The following ABCC6 variants were observed in gnomAD, a reference collection of about 807,000 sequenced individuals.
The protein encoded by ABCC6 is ATP-binding cassette sub-family C member 6.
A neutral mutation model predicts 169.5 loss-of-function variants in ABCC6; 126 were observed. That is an observed-to-expected ratio of 0.74 (90% CI 0.64 to 0.86). ABCC6 has a LOEUF of 0.86. ABCC6 is among the 40% of genes least tolerant of loss of function. The pLI, the probability that ABCC6 is intolerant of heterozygous loss-of-function variation, is 0.00. For missense variants in ABCC6, 1,733 were observed against 1,927.2 expected, an observed-to-expected ratio of 0.90 and a Z score of 1.89; for synonymous variants, 752 against 814.7, an observed-to-expected ratio of 0.92 and a Z score of 1.31.
At chr16:16,191,919 C>A (rs1333747789) in intron 11 of ABCC6, among the ~76,000 whole-genome samples, 4 of 152,170 alleles carry the variant, frequency 2.6e-5, no homozygotes, top group African/African-American at 9.7e-5. Context: ...GTGGCCTGTG[C>A]TGTTGCAAAG....
In ABCC6 at chr16:16,181,267, C is replaced by T. The variant is rs565836518; in HGVS notation, c.2247+1145G>A. On this transcript the variant is annotated intron_variant, in intron 17 of 30. Transcript: ENST00000205557. ...CTGAGGTGGGAGGAATGCTTGAACT[C>T]AGGAGGTGGAGGTTACAGTGAGCCA... Among the ~76,000 whole-genome samples the T allele has an allele frequency of 1.9e-4, 28 of 149,502 alleles. No homozygotes were observed. In the South Asian group the frequency reaches 2.6e-3, roughly 14 times the overall value.
rs760082392 is a variant in ABCC6 at position 16,186,659 on chromosome 16, C to T, written c.1867+465G>A. ...ACCCGCTTTGGGGCCATCTAGTTGA[C>T]GGAAAGCAAGCTCAGGGCTCCCACT... is the stretch of plus-strand genomic sequence containing the variant. On this transcript the variant is annotated intron_variant, in intron 14 of 30. Transcript: ENST00000205557. 1.7e-4 allele frequency among the ~76,000 whole-genome samples: 25 copies of T among 149,356 alleles called. 1 individual carries two copies. The highest frequency in any genetic ancestry group is 1.2e-3 in the Admixed American group (18 of 14,680).
chr16:16,152,598 T>G (rs1413880596), intron 29 of ABCC6, among the ~76,000 whole-genome samples: 1 of 151,960 alleles, frequency 6.6e-6, no homozygotes. Flanking sequence ...TCAACAACTT[T>G]GTGCATATAA....
intron 11 of ABCC6, among the ~76,000 whole-genome samples, 188 bp downstream of exon 11, chr16:16,192,642 G>A (rs555605416): frequency 6.6e-6 from 1 of 152,124 alleles, no homozygotes; most frequent in Non-Finnish European, 1.5e-5. Flanking sequence ...TTGGAGGGAC[G>A]GAGCCACTGT....
At position 16,159,507 on chromosome 16, in the gene ABCC6, T is replaced by C. The variant is rs1232557056; in HGVS notation, c.3710A>G (p.Gln1237Arg). 1.9e-6 allele frequency: 3 copies of C among 1,613,970 alleles called. No homozygotes were observed. Among genetic ancestry groups the C allele is most frequent in the Non-Finnish European group, 2.5e-6 (3 of 1,179,942 alleles). Reference protein sequence around the residue: ...ENSIVSVERMQDYAWTPKEAP... With the variant: ...ENSIVSVERMRDYAWTPKEAP... ...CTCCTTGGGCGTCCAGGCATAGTCC[T>C]GCATCCGCTCCACTGACACGATGCT... Residue 1237 changes from glutamine (Q) to arginine (R), a missense_variant, in exon 26 of 31, where the codon CAG becomes CGG. Coordinates refer to ENST00000205557, the MANE Select transcript of ABCC6 (RefSeq NM_001171.6).
At chr16:16,151,823 A>G (rs569334541) in intron 29 of ABCC6, among the ~76,000 whole-genome samples, 2 of 151,970 alleles carry the variant, frequency 1.3e-5, no homozygotes, top group Admixed American at 1.3e-4. Flanking sequence ...CATAATTTGA[A>G]CCCAAGTCCT....
At chr16:16,155,312 A>T in intron 27 of ABCC6, 1 of 544,696 alleles carries the variant, frequency 1.8e-6, no homozygotes. Context: ...TCATCCTTCT[A>T]TTTACACCTC....
At chr16:16,155,119 GTCTA>G in intron 27 of ABCC6, 88 bp from the exon 28 acceptor site, 1 of 1,450,266 alleles carries the variant, frequency 6.9e-7, no homozygotes, top group East Asian at 2.5e-5. Flanking sequence ...CCCGAGATCT[GTCTA>G]TCCATCCCTC....
Position 16,154,740 on chromosome 16 carries a change from G to A in ABCC6, c.4096C>T (p.His1366Tyr). The A allele has an allele frequency of 1.2e-6, 2 of 1,613,286 alleles. No homozygotes were observed. Among genetic ancestry groups the A allele is most frequent in the South Asian group, 2.2e-5 (2 of 90,864 alleles). The change falls in exon 29 of 31, where the codon CAC (histidine) becomes TAC (tyrosine). Residue 1366 changes from histidine to tyrosine, a missense_variant. This residue lies in a region of ABCC6 where 1,601 missense variants were observed against 1,635.5 expected (regional missense o/e 0.98). Transcript: ENST00000205557. ...GCTGCCCAGATAGCCTCGTCCGAGT[G>A]CTCCTGCAGCAGGTCGAGGTTCATC... The part of the protein sequence containing the change: ...LRMNLDLLQE[H>Y]SDEAIWAALE...
intron 6 of ABCC6, among the ~76,000 whole-genome samples, chr16:16,211,613 C>G (rs1364049099): frequency 3.3e-5 from 5 of 152,096 alleles, no homozygotes; most frequent in Non-Finnish European, 7.4e-5. Context: ...GGATTCAAAT[C>G]CATATGTCAG....
intron 7 of ABCC6, 136 bp downstream of exon 7, chr16:16,208,592 T>TA (rs1188854803): frequency 7.0e-7 from 1 of 1,430,140 alleles, no homozygotes; most frequent in Non-Finnish European, 9.8e-7. Flanking sequence ...CAGATTGGTC[T>TA]TGAACTCCTG....
rs2046354568 is a variant in ABCC6, at chr16:16,150,469, C to T, written c.4403+109G>A. On this transcript the variant is annotated intron_variant, in intron 30 of 30. Coordinates refer to ENST00000205557, the MANE Select transcript of ABCC6 (RefSeq NM_001171.6). The stretch of plus-strand genomic sequence containing the variant: ...GCATTCCTCCCGCTCTGGCCCCATT[C>T]AGGACCCCTCCAGCTCTAACCCGAA... 9 of 1,508,108 alleles carry T rather than the reference C, an allele frequency of 6.0e-6. No individual in the cohort carries two copies. In the Admixed American group the frequency reaches 1.6e-4, roughly 28 times the overall value. 93.4% of individuals were successfully genotyped at this position (1,508,108 alleles called of 1,614,324 possible).
chr16:16,200,471 G>T (rs1257808320), intron 9 of ABCC6, among the ~76,000 whole-genome samples: 2 of 149,162 alleles, frequency 1.3e-5, no homozygotes, highest in Admixed American at 6.8e-5. Context: ...AGAGAGGAGG[G>T]ATCTGATCTC....
At chr16:16,159,711 G>A (rs1409010130) in intron 25 of ABCC6, 128 bp from the exon 26 acceptor site, 37 of 800,026 alleles carry the variant, frequency 4.6e-5, no homozygotes, top group Non-Finnish European at 6.6e-5. Flanking sequence ...GCAGGAATGG[G>A]ACAGTCTGAG....
intron 10 of ABCC6, among the ~76,000 whole-genome samples, chr16:16,195,458 A>C (rs1391130637): frequency 6.6e-6 from 1 of 151,756 alleles, no homozygotes. Context: ...GATTACAGGC[A>C]CATGCCACCA....
chr16:16,163,586 G>A (rs554588005), intron 23 of ABCC6, among the ~76,000 whole-genome samples: 9 of 152,220 alleles, frequency 5.9e-5, no homozygotes, highest in African/African-American at 2.2e-4. Flanking sequence ...CTTCATTTAC[G>A]GCTGGTCAGT....
At chr16:16,170,521 T>C (rs902275209) in intron 21 of ABCC6, among the ~76,000 whole-genome samples, 1 of 152,156 alleles carries the variant, frequency 6.6e-6, no homozygotes, top group African/African-American at 2.4e-5. Context: ...AAGGTCCTGC[T>C]CCTACAAATC....
chr16:16,169,805 G>C lies in ABCC6; in HGVS notation c.2836C>G (p.Leu946Val), dbSNP rs61340537. Residue 946 changes from leucine to valine, a missense_variant, in exon 22 of 31, where the codon CTC becomes GTC. By Grantham distance (32) the Leu-to-Val change is conservative (BLOSUM62 1). Transcript: ENST00000205557. ...LAYLRAVGTP[L>V]CLYALFLFLC... ...AAGAGGAAGAGTGCGTAGAGGCAGA[G>C]GGGGGTGCCCACGGCACGCAGGTAG... The C allele has an allele frequency of 2.5e-6, 4 of 1,572,676 alleles. No individual in the cohort carries two copies. The highest frequency in any genetic ancestry group is 1.9e-5 in the Admixed American group (1 of 53,296).
intron 7 of ABCC6, 103 bp downstream of exon 7, chr16:16,208,625 G>C (rs1270109018): frequency 3.8e-6 from 6 of 1,588,290 alleles, no homozygotes; most frequent in Admixed American, 3.3e-5. Flanking sequence ...GCCTGCCTCG[G>C]CCTCCCAAAA....
Sources: gnomAD v4.1 joint callset for allele counts (sites outside exome capture counted in the v4.1 genomes callset) on GRCh38, gnomAD v4.1.1 for gene constraint, gnomAD v4.1.1 regional missense constraint, MANE v1.5 for transcripts, NCBI Gene and HGNC (gene_info 2026-07-23, HGNC 2026-07-21) for gene names.